PDLIM3: variants seen among roughly 807,000 people sequenced by gnomAD.
PDLIM3 encodes PDZ and LIM domain 3.
A neutral mutation model predicts 37.3 loss-of-function variants in PDLIM3; 36 were observed. The observed-to-expected ratio is 0.97, with a 90% CI of 0.74 to 1.28. The LOEUF (loss-of-function observed/expected upper bound fraction) is 1.28, where lower values mean the gene tolerates loss of function less well. PDLIM3 is among the 50% of genes most tolerant of loss of function. The pLI, the probability that PDLIM3 is intolerant of heterozygous loss-of-function variation, is 0.00. For missense variants in PDLIM3, 454 were observed against 485.0 expected (o/e 0.94, Z 0.60); for synonymous variants, 174 against 182.4 (o/e 0.95, Z 0.37).
intron 2 of PDLIM3, among the ~76,000 whole-genome samples, chr4:185,523,697 C>G (rs911342409): frequency 6.7e-6 from 1 of 150,014 alleles, no homozygotes; most frequent in African/African-American, 2.4e-5. Flanking sequence ...TGACTCACTG[C>G]AACCTCCTCC....
intron 4 of PDLIM3, chr4:185,513,669 T>C: frequency 1.0e-6 from 1 of 992,106 alleles, no homozygotes; most frequent in Non-Finnish European, 1.2e-6. Flanking sequence ...TCCTGTGGGC[T>C]GACTGGCTTA....
chr4:185,535,290 G>C lies in PDLIM3; in HGVS notation c.93+52C>G. On this transcript the variant is annotated intron_variant, in intron 1 of 7. Coordinates refer to ENST00000284767, the MANE Select transcript of PDLIM3 (RefSeq NM_014476.6). ...CCGGGGCATCCACTGCGTCCCCCCG[G>C]ACGCCGCCGGAGTCCCCACCTCGCA... 4.0e-6 allele frequency: 6 copies of C among 1,503,476 alleles called. No individual in the cohort carries two copies. The South Asian group carries it at 4.8e-5, about 12-fold the overall frequency. The allele number at this position is 1,503,476 out of a possible 1,614,324, so 93.1% of individuals were successfully genotyped here.
intron 1 of PDLIM3, among the ~76,000 whole-genome samples, chr4:185,528,164 T>C (rs1488142239): frequency 1.3e-5 from 2 of 152,248 alleles, no homozygotes; most frequent in African/African-American, 4.8e-5. Context: ...TATACCTTAA[T>C]AGAGTTAAGT....
At chr4:185,512,682 A>G (rs1358771404) in intron 4 of PDLIM3, 19 of 985,290 alleles carry the variant, frequency 1.9e-5, no homozygotes, top group Non-Finnish European at 2.3e-5. Context: ...AAGCCTTCTG[A>G]AGCCCCAGAG....
intron 1 of PDLIM3, among the ~76,000 whole-genome samples, chr4:185,532,873 A>G (rs3792702): frequency 0.23 from 34,996 of 152,112 alleles, 5,818 homozygotes; most frequent in African/African-American, 0.47. Context: ...ACAGTAGTAG[A>G]AAAAATGGAA....
intron 4 of PDLIM3, chr4:185,512,621 A>AG (rs2095708395): frequency 1.0e-6 from 1 of 957,436 alleles, no homozygotes; most frequent in Non-Finnish European, 1.2e-6. Flanking sequence ...TAAATGTTAT[A>AG]GGTTTTTAGT....
intron 1 of PDLIM3, among the ~76,000 whole-genome samples, chr4:185,533,616 G>C (rs12331451): frequency 0.027 from 4,101 of 152,182 alleles, 198 homozygotes; most frequent in African/African-American, 0.094. Flanking sequence ...ATACAAATTA[G>C]TTATGAGTTA....
intron 3 of PDLIM3, among the ~76,000 whole-genome samples, chr4:185,517,997 A>C (rs538068131): frequency 6.6e-6 from 1 of 152,322 alleles, no homozygotes; most frequent in African/African-American, 2.4e-5. Flanking sequence ...CAAGTAACTG[A>C]AAATGCCAGT....
intron 6 of PDLIM3, 119 bp downstream of exon 6, chr4:185,506,403 G>A: frequency 1.5e-6 from 2 of 1,320,974 alleles, no homozygotes; most frequent in Non-Finnish European, 2.2e-6. Context: ...AAATTCATTT[G>A]GCTCCCAATG....
At chr4:185,508,674 G>T in intron 4 of PDLIM3, 112 bp from the exon 5 acceptor site, 2 of 1,041,518 alleles carry the variant, frequency 1.9e-6, no homozygotes, top group Non-Finnish European at 3.0e-6. Context: ...AGACAAAAGT[G>T]AGAGGTGAAT....
At chr4:185,507,648 T>A (rs925231101) in intron 5 of PDLIM3, among the ~76,000 whole-genome samples, 1 of 152,164 alleles carries the variant, frequency 6.6e-6, no homozygotes, top group Admixed American at 6.5e-5. Flanking sequence ...ATAATAAATC[T>A]TTTTAATCAA....
rs771774420 is a variant in PDLIM3, at chr4:185,514,352, C to T, written c.331-15G>A. 3 of 1,614,082 alleles carry T rather than the reference C, an allele frequency of 1.9e-6. No individual in the cohort carries two copies. The highest frequency in any genetic ancestry group is 2.7e-5 in the African/African-American group (2 of 75,016). ...TAGTTCCCGTCCTGTGAAAACAAAG[C>T]GTTAAAAAGGCCCTCAGTGGAAGGC... On this transcript the variant is annotated splice_polypyrimidine_tract_variant and intron_variant, in intron 3 of 7. Transcript: ENST00000284767. This position sits in a 1 kb window ranked among gnomAD's most constrained non-coding sequence, Gnocchi z 4.0.
intron 6 of PDLIM3, among the ~76,000 whole-genome samples, chr4:185,506,022 C>T (rs1002179703): frequency 6.6e-5 from 10 of 152,132 alleles, no homozygotes; most frequent in Non-Finnish European, 1.3e-4. Context: ...CAAGGCCACC[C>T]GCCCATCTCT....
At chr4:185,503,250 AC>A (rs1185949901) in intron 7 of PDLIM3, among the ~76,000 whole-genome samples, 1 of 151,926 alleles carries the variant, frequency 6.6e-6, no homozygotes, top group Non-Finnish European at 1.5e-5. Flanking sequence ...AACAACAAAA[AC>A]AAAACAAAAC....
intron 1 of PDLIM3, among the ~76,000 whole-genome samples, chr4:185,529,039 ATTAT>A (rs1301637901): frequency 1.3e-5 from 2 of 152,190 alleles, no homozygotes; most frequent in Non-Finnish European, 2.9e-5. Flanking sequence ...TTGTCAGCGG[ATTAT>A]TTTTTATTTA....
At chr4:185,523,577 TTTGCTGA>T (rs2095726656) in intron 2 of PDLIM3, 131 bp from the exon 3 acceptor site, 1 of 634,138 alleles carries the variant, frequency 1.6e-6, no homozygotes, top group Admixed American at 2.8e-5. Flanking sequence ...AATTTTTTTT[TTTGCTGA>T]TTATTCTGTA....
intron 1 of PDLIM3, among the ~76,000 whole-genome samples, chr4:185,529,800 T>C (rs572924651): frequency 6.6e-6 from 1 of 152,242 alleles, no homozygotes; most frequent in South Asian, 2.1e-4. Context: ...AATGAGAAAA[T>C]GGATGCTTGG....
In PDLIM3 at chr4:185,501,950, G is replaced by C; in HGVS notation, c.*344C>G. 1 of 345,414 alleles carries C rather than the reference G, an allele frequency of 2.9e-6. No homozygotes were observed. Among genetic ancestry groups the C allele is most frequent in the South Asian group, 2.7e-5 (1 of 36,436 alleles). The allele number at this position is 345,414 out of a possible 1,614,324, so 21.4% of individuals were successfully genotyped here. ...ACAATTGCAAAATCAACTTGTCAAG[G>C]AAAGACAATTAGAGTCCTTCAAATA... On this transcript the variant is annotated 3_prime_UTR_variant, in exon 8 of 8. Coordinates refer to ENST00000284767, the MANE Select transcript of PDLIM3 (RefSeq NM_014476.6).
rs983381756 is a variant in PDLIM3, at chr4:185,504,296, T to C, written c.905+179A>G. On this transcript the variant is annotated intron_variant, in intron 7 of 7. Coordinates refer to ENST00000284767, the MANE Select transcript of PDLIM3 (RefSeq NM_014476.6). The surrounding 1 kb of genome is among the most constrained non-coding windows in gnomAD (Gnocchi z 4.7). ...TGCTGACTCATGTGATGTGACAATT[T>C]GGAGGTATATCTAAGGAGTGACAGT... 6.6e-6 allele frequency among the ~76,000 whole-genome samples: 1 copy of C among 152,152 alleles called. No individual in the cohort carries two copies. Among genetic ancestry groups the C allele is most frequent in the African/African-American group, 2.4e-5 (1 of 41,432 alleles).
Sources: gnomAD v4.1 joint callset for allele counts (sites outside exome capture counted in the v4.1 genomes callset) on GRCh38, gnomAD v4.1.1 for gene constraint, Gnocchi (gnomAD v3.1) non-coding constraint, MANE v1.5 for transcripts, NCBI Gene and HGNC (gene_info 2026-07-23, HGNC 2026-07-21) for gene names.